CHRND: variants seen among roughly 807,000 people sequenced by gnomAD.
CHRND encodes the protein cholinergic receptor nicotinic delta subunit.
CHRND carries 40 observed loss-of-function variants against 57.8 expected under a neutral mutation model. The ratio of observed to expected loss-of-function variants is 0.69; its 90% CI spans 0.54 to 0.90. The LOEUF (loss-of-function observed/expected upper bound fraction) is 0.90, where lower values mean the gene tolerates loss of function less well. Among genes scored for constraint, CHRND ranks in the 40% least tolerant of loss-of-function variants. The pLI is 0.00. For missense variants in CHRND, 634 were observed against 673.9 expected (o/e 0.94, Z 0.66); for synonymous variants, 237 against 270.6 (o/e 0.88, Z 1.22).
At position 232,535,858 on chromosome 2, in the gene CHRND, G is replaced by A; in HGVS notation, c.*546G>A. 1 of 453,928 alleles carries A rather than the reference G, an allele frequency of 2.2e-6. No individual in the cohort carries two copies. The highest frequency in any genetic ancestry group is 7.0e-5 in the East Asian group (1 of 14,388). 28.1% of individuals were successfully genotyped at this position (453,928 alleles called of 1,614,324 possible). ...TTGACCTCTCTGCCTAGGTCCCTTT[G>A]GGAAGTTGAGGACTGGAGTGGAAAG... is the stretch of plus-strand genomic sequence containing the variant. On this transcript the variant is annotated 3_prime_UTR_variant, in exon 12 of 12. Coordinates refer to ENST00000258385, the MANE Select transcript of CHRND (RefSeq NM_000751.3).
At chr2:232,527,263 G>C in intron 2 of CHRND, 138 bp from the exon 3 acceptor site, 2 of 825,470 alleles carry the variant, frequency 2.4e-6, no homozygotes, top group Admixed American at 3.5e-5. Context: ...CCAAGCTCGT[G>C]CCACTGCACT....
chr2:232,534,171 G>C (rs202214413), intron 10 of CHRND, 36 bp downstream of exon 10: 1 of 1,614,106 alleles, frequency 6.2e-7, no homozygotes, highest in East Asian at 2.2e-5. Context: ...CAGCCCATCT[G>C]TGGGAGGTGG....
In CHRND at chr2:232,532,778, G is replaced by A. The variant is rs77163375; in HGVS notation, c.1047+1122G>A. Among the ~76,000 whole-genome samples, 822 of 152,330 alleles carry A rather than the reference G, an allele frequency of 5.4e-3. 5 individuals carry two copies. Among genetic ancestry groups the A allele is most frequent in the African/African-American group, 0.019 (776 of 41,566 alleles). On this transcript the variant is annotated intron_variant, in intron 9 of 11. Transcript: ENST00000258385. Reference sequence around the variant, plus strand: ...GCTGGGAGGGTACTGAGTGGGGGCAGGTGTGAGGGAGATTTTTGGGGATCA... The same window carrying A: ...GCTGGGAGGGTACTGAGTGGGGGCAAGTGTGAGGGAGATTTTTGGGGATCA...
rs1277177072 is a variant in CHRND, at chr2:232,536,343, A to G, written c.*1031A>G. 2.2e-6 allele frequency: 1 copy of G among 454,160 alleles called. No individual in the cohort carries two copies. Among genetic ancestry groups the G allele is most frequent in the Admixed American group, 2.3e-5 (1 of 42,584 alleles). 28.1% of individuals were successfully genotyped at this position (454,160 alleles called of 1,614,324 possible). On this transcript the variant is annotated 3_prime_UTR_variant, in exon 12 of 12. Transcript: ENST00000258385. ...CTTCCCAGATTTGGTTAGGAAAGACACTATGGCCTCTTTCTTGCTCATTAG... is the reference window on the plus strand; with the variant it reads ...CTTCCCAGATTTGGTTAGGAAAGACGCTATGGCCTCTTTCTTGCTCATTAG...
rs1207402449 is a variant in CHRND, at chr2:232,527,386, A to G, written c.199-15A>G. 2 of 1,606,398 alleles carry G rather than the reference A, an allele frequency of 1.2e-6. No individual in the cohort carries two copies. The highest frequency in any genetic ancestry group is 1.7e-6 in the Non-Finnish European group (2 of 1,173,264). The stretch of plus-strand genomic sequence containing the variant: ...TGATATGGCCCTGAAGGATGGCCCT[A>G]CCGTCTAATTACAGAAAGAAGTTGA... On this transcript the variant is annotated splice_polypyrimidine_tract_variant and intron_variant, in intron 2 of 11. Transcript: ENST00000258385.
In CHRND at chr2:232,531,473, G is replaced by A. The variant is rs370309294; in HGVS notation, c.932+10G>A. On this transcript the variant is annotated intron_variant, in intron 8 of 11. Transcript: ENST00000258385. Reference sequence around the variant, plus strand: ...TCCCCCTTATCGGCAAGTGAGTGACGCTCAAGCCCGGCCTCACCCTGCTTG... The same window carrying A: ...TCCCCCTTATCGGCAAGTGAGTGACACTCAAGCCCGGCCTCACCCTGCTTG... The A allele has an allele frequency of 3.7e-5, 60 of 1,613,668 alleles. No homozygotes were observed. The African/African-American group carries it at 6.4e-4, about 17-fold the overall frequency.
Position 232,534,131 on chromosome 2 carries a change from TGCACGTG to T in CHRND, c.1250_1252+4del. 2 of 1,614,050 alleles carry T rather than the reference TGCACGTG, an allele frequency of 1.2e-6. No homozygotes were observed. Among genetic ancestry groups the T allele is most frequent in the African/African-American group, 2.7e-5 (2 of 75,050 alleles). On this transcript the variant is annotated splice_donor_variant and splice_donor_region_variant and coding_sequence_variant and intron_variant, in exon 10 of 12. Coordinates refer to ENST00000258385, the MANE Select transcript of CHRND (RefSeq NM_000751.3). LOFTEE classifies it high-confidence loss of function. ...ATGGGCTGGCCAGGCGCCTCACCACTGCACGTGGGTCCCCGCTGGTCTTGGTTTTCAG... is the reference window on the plus strand; with the variant it reads ...ATGGGCTGGCCAGGCGCCTCACCACTGGTCCCCGCTGGTCTTGGTTTTCAG...
intron 9 of CHRND, 49 bp downstream of exon 9, chr2:232,531,705 T>A (rs374713883): frequency 2.0e-6 from 3 of 1,498,650 alleles, no homozygotes; most frequent in Non-Finnish European, 2.8e-6. Flanking sequence ...TCCTGGCATT[T>A]CAGGAGGCTG....
intron 6 of CHRND, 133 bp downstream of exon 6, chr2:232,529,104 C>A (rs764379389): frequency 2.8e-6 from 2 of 706,828 alleles, no homozygotes; most frequent in East Asian, 2.7e-5. Context: ...TCCTCACACA[C>A]GCAGCTAGAC....
At chr2:232,528,125 G>T in intron 3 of CHRND, 137 bp from the exon 4 acceptor site, 2 of 769,400 alleles carry the variant, frequency 2.6e-6, no homozygotes, top group Non-Finnish European at 4.5e-6. Flanking sequence ...ACCTGAATCC[G>T]CACTCTGTAC....
intron 7 of CHRND, 133 bp from the exon 8 acceptor site, chr2:232,531,219 T>G: frequency 1.4e-6 from 1 of 725,272 alleles, no homozygotes; most frequent in Non-Finnish European, 2.5e-6. Flanking sequence ...ACCCGTAATT[T>G]TCATCAGGGT....
In CHRND at chr2:232,528,333, G is replaced by A. The variant is rs770730077; in HGVS notation, c.315G>A (p.Pro105=). 81 of 1,613,924 alleles carry A rather than the reference G, an allele frequency of 5.0e-5. No individual in the cohort carries two copies. Among genetic ancestry groups the A allele is most frequent in the Admixed American group, 8.3e-5 (5 of 59,970 alleles). ...FGNISVLRLP[P]DMVWLPEIVL... The stretch of plus-strand genomic sequence containing the variant: ...ACATCAGTGTCCTGCGCCTCCCCCC[G>A]GACATGGTGTGGCTCCCAGAGATTG... The change falls in exon 4 of 12, where the codon CCG becomes CCA. Residue 105 remains proline, a synonymous_variant. Coordinates refer to ENST00000258385, the MANE Select transcript of CHRND (RefSeq NM_000751.3).
Position 232,535,517 on chromosome 2 carries a change from G to A in CHRND, c.*205G>A, listed in dbSNP as rs924412061. 19 of 745,268 alleles carry A rather than the reference G, an allele frequency of 2.5e-5. No individual in the cohort carries two copies. Among genetic ancestry groups the A allele is most frequent in the Admixed American group, 6.0e-5 (3 of 49,606 alleles). 46.2% of individuals were successfully genotyped at this position (745,268 alleles called of 1,614,324 possible). On this transcript the variant is annotated 3_prime_UTR_variant, in exon 12 of 12. Coordinates refer to ENST00000258385, the MANE Select transcript of CHRND (RefSeq NM_000751.3). ...CCGAGATGGTCTGAGGGTGGACATC[G>A]GCTACAGTGGGTGGGCAGGACGATT...
chr2:232,530,375 G>T (rs1200324940), intron 7 of CHRND, among the ~76,000 whole-genome samples: 1 of 152,212 alleles, frequency 6.6e-6, no homozygotes, highest in Non-Finnish European at 1.5e-5. Context: ...ACTTCCCACG[G>T]ACTCTCAGAA....
Position 232,535,592 on chromosome 2 carries a change from G to A in CHRND, c.*280G>A. 1 of 616,140 alleles carries A rather than the reference G, an allele frequency of 1.6e-6. No individual in the cohort carries two copies. The highest frequency in any genetic ancestry group is 3.0e-6 in the Non-Finnish European group (1 of 332,036). The allele number at this position is 616,140 out of a possible 1,614,324, so 38.2% of individuals were successfully genotyped here. On this transcript the variant is annotated 3_prime_UTR_variant, in exon 12 of 12. Coordinates refer to ENST00000258385, the MANE Select transcript of CHRND (RefSeq NM_000751.3). ...AGGGGCCAGGGAGGAGGCCACTCAGGGTGGCCTCAGGGGGAGAGCTCTGAT... is the reference window on the plus strand; with the variant it reads ...AGGGGCCAGGGAGGAGGCCACTCAGAGTGGCCTCAGGGGGAGAGCTCTGAT...
chr2:232,528,470 G>C (rs748649626), intron 4 of CHRND, 31 bp from the exon 5 acceptor site: 2 of 1,613,972 alleles, frequency 1.2e-6, no homozygotes, highest in South Asian at 2.2e-5. Context: ...AGTGGCCAGA[G>C]CTCACTATGG....
chr2:232,536,596 C>G lies in CHRND; in HGVS notation c.*1284C>G, dbSNP rs11692155. 1.1e-5 allele frequency: 4 copies of G among 380,030 alleles called. No individual in the cohort carries two copies. The allele number at this position is 380,030 out of a possible 1,614,324, so 23.5% of individuals were successfully genotyped here. ...AAAGTCCCTAAGCCAGAACCACCAG[C>G]TAAGTGACTCCTGGATTCCTGACCC... On this transcript the variant is annotated 3_prime_UTR_variant, in exon 12 of 12. Transcript: ENST00000258385.
chr2:232,533,166 G>A (rs1462140531), intron 9 of CHRND, among the ~76,000 whole-genome samples: 6 of 152,224 alleles, frequency 3.9e-5, no homozygotes, highest in East Asian at 1.9e-4. Context: ...GATTACAGGC[G>A]CCCGCCACCA....
chr2:232,529,483 G>A (rs1691605458), intron 6 of CHRND, among the ~76,000 whole-genome samples: 2 of 152,194 alleles, frequency 1.3e-5, no homozygotes, highest in Non-Finnish European at 1.5e-5. Context: ...GCACATCATG[G>A]CAGGGATAGT....
Sources: gnomAD v4.1 joint callset for allele counts (sites outside exome capture counted in the v4.1 genomes callset) on GRCh38, gnomAD v4.1.1 for gene constraint, MANE v1.5 for transcripts, NCBI Gene and HGNC (gene_info 2026-07-23, HGNC 2026-07-21) for gene names.